The following KCND2 variants were observed in gnomAD, a reference collection of about 807,000 sequenced individuals.
The protein encoded by KCND2 is A-type voltage-gated potassium channel KCND2.
KCND2 carries 16 observed loss-of-function variants against 54.4 expected under a neutral mutation model. The ratio of observed to expected loss-of-function variants is 0.29; its 90% confidence interval spans 0.20 to 0.45. The LOEUF is 0.45. Among genes scored for constraint, KCND2 ranks in the 20% least tolerant of loss-of-function variants. The probability of loss-of-function intolerance (pLI) is 1.00; values close to 1 mark genes in which losing one functional copy is unlikely to be tolerated. For missense variants in KCND2, 486 were observed against 824.2 expected, an observed-to-expected ratio of 0.59 and a Z score of 5.02; for synonymous variants, 317 against 310.7, an observed-to-expected ratio of 1.02 and a Z score of -0.21.
chr7:120,285,756 A>T (rs1168589408), intron 1 of KCND2, among the ~76,000 whole-genome samples: 3 of 151,944 alleles, frequency 2.0e-5, no homozygotes, highest in Admixed American at 2.0e-4. Flanking sequence ...TTTGCATTTA[A>T]AATTGTATTA....
At chr7:120,651,164 C>T (rs903962605) in intron 1 of KCND2, among the ~76,000 whole-genome samples, 1 of 143,376 alleles carries the variant, frequency 7.0e-6, no homozygotes, top group Non-Finnish European at 1.5e-5. Context: ...GACATTTAAG[C>T]CTGCAGAGGT....
intron 1 of KCND2, among the ~76,000 whole-genome samples, chr7:120,383,342 C>A (rs1332466084): frequency 6.6e-6 from 1 of 151,918 alleles, no homozygotes; most frequent in African/African-American, 2.4e-5. Context: ...TCTTATTTTC[C>A]ATTTGGCACC....
intron 1 of KCND2, among the ~76,000 whole-genome samples, chr7:120,461,807 A>T (rs1802288020): frequency 6.6e-6 from 1 of 152,152 alleles, no homozygotes; most frequent in Non-Finnish European, 1.5e-5. Flanking sequence ...TTCTAAAATC[A>T]TAATCTTCCC....
At chr7:120,717,495 A>G (rs764171615) in intron 1 of KCND2, among the ~76,000 whole-genome samples, 1 of 152,140 alleles carries the variant, frequency 6.6e-6, no homozygotes, top group Non-Finnish European at 1.5e-5. Flanking sequence ...GAACTATGGA[A>G]AGCAAAACAG....
chr7:120,313,924 C>T (rs1267622792), intron 1 of KCND2, among the ~76,000 whole-genome samples: 1 of 151,706 alleles, frequency 6.6e-6, no homozygotes, highest in Non-Finnish European at 1.5e-5. Flanking sequence ...TTTGTAAGGA[C>T]ACTTTTATTT....
intron 1 of KCND2, among the ~76,000 whole-genome samples, chr7:120,343,082 A>G (rs1281702502): frequency 6.6e-6 from 1 of 152,188 alleles, no homozygotes; most frequent in Non-Finnish European, 1.5e-5. Flanking sequence ...AGTACAAAGA[A>G]GGAGGATGCA....
chr7:120,351,818 T>C (rs1222507898), intron 1 of KCND2, among the ~76,000 whole-genome samples: 2 of 151,946 alleles, frequency 1.3e-5, no homozygotes, highest in Non-Finnish European at 2.9e-5. Flanking sequence ...TTCTTTCTTT[T>C]TTTTTCTTTT....
intron 1 of KCND2, among the ~76,000 whole-genome samples, chr7:120,507,685 C>G (rs934592636): frequency 1.3e-5 from 2 of 151,804 alleles, no homozygotes; most frequent in Admixed American, 1.3e-4. Flanking sequence ...TCTGGATTTC[C>G]TATACCCTCA....
At chr7:120,437,038 A>G (rs146796760) in intron 1 of KCND2, among the ~76,000 whole-genome samples, 30 of 152,202 alleles carry the variant, frequency 2.0e-4, no homozygotes, top group African/African-American at 5.8e-4. Context: ...TTCTCAGCCT[A>G]TCGAACTTTG....
intron 1 of KCND2, among the ~76,000 whole-genome samples, chr7:120,607,191 G>GT (rs11306891): frequency 4.0e-5 from 6 of 149,186 alleles, no homozygotes; most frequent in Admixed American, 2.0e-4. Context: ...ATTAAGGTTT[G>GT]TTTTTTTTTT....
At chr7:120,456,870 A>T (rs556189448) in intron 1 of KCND2, among the ~76,000 whole-genome samples, 124 of 152,276 alleles carry the variant, frequency 8.1e-4, no homozygotes, top group African/African-American at 2.8e-3. Context: ...GCCTTAGCAG[A>T]GGTTCTACAT....
Position 120,372,773 on chromosome 7 carries a change from A to G in KCND2, c.1115+97026A>G, listed in dbSNP as rs951675722. 2.6e-5 allele frequency among the ~76,000 whole-genome samples: 4 copies of G among 151,908 alleles called. No homozygotes were observed. The East Asian group carries it at 7.8e-4, about 29-fold the overall frequency. ...TAACTATGAACTTCTTTCTTACCTGATAGGTTTCTTTTTCCAAAGAGGAAC... is the reference window on the plus strand; with the variant it reads ...TAACTATGAACTTCTTTCTTACCTGGTAGGTTTCTTTTTCCAAAGAGGAAC... On this transcript the variant is annotated intron_variant, in intron 1 of 5. Coordinates refer to ENST00000331113, the MANE Select transcript of KCND2 (RefSeq NM_012281.3).
chr7:120,381,673 A>ATC (rs1800917873), intron 1 of KCND2, among the ~76,000 whole-genome samples: 1 of 152,104 alleles, frequency 6.6e-6, no homozygotes, highest in Non-Finnish European at 1.5e-5. Flanking sequence ...GAGAGAAGTA[A>ATC]GATCTCCGAA....
chr7:120,728,080 G>T (rs1792757248), intron 1 of KCND2, among the ~76,000 whole-genome samples: 1 of 146,926 alleles, frequency 6.8e-6, no homozygotes, highest in Non-Finnish European at 1.5e-5. Flanking sequence ...GTTGCAGTGA[G>T]CCGAGATGGC....
At chr7:120,319,405 C>G (rs1799860323) in intron 1 of KCND2, among the ~76,000 whole-genome samples, 2 of 152,048 alleles carry the variant, frequency 1.3e-5, no homozygotes, top group Admixed American at 1.3e-4. Context: ...ATCACATATA[C>G]TTTCTATATT....
chr7:120,618,279 TG>T (rs1354562443), intron 1 of KCND2, among the ~76,000 whole-genome samples: 8 of 149,054 alleles, frequency 5.4e-5, no homozygotes, highest in African/African-American at 1.8e-4. Flanking sequence ...ATTACACACC[TG>T]TATACAAAAA....
chr7:120,530,021 C>G (rs970993557), intron 1 of KCND2, among the ~76,000 whole-genome samples: 4 of 151,922 alleles, frequency 2.6e-5, no homozygotes, highest in Non-Finnish European at 4.4e-5. Flanking sequence ...TGCAGTGAGC[C>G]ATGATCATGC....
At chr7:120,349,552 G>A (rs1020288844) in intron 1 of KCND2, among the ~76,000 whole-genome samples, 1 of 151,980 alleles carries the variant, frequency 6.6e-6, no homozygotes, top group Non-Finnish European at 1.5e-5. Context: ...TTTTTTCCTG[G>A]AGTAAATAGC....
At chr7:120,657,329 G>A (rs1457224704) in intron 1 of KCND2, among the ~76,000 whole-genome samples, 2 of 152,034 alleles carry the variant, frequency 1.3e-5, no homozygotes, top group African/African-American at 2.4e-5. Flanking sequence ...CATAACAGAC[G>A]TGAAAACAGG....
Sources: gnomAD v4.1 joint callset for allele counts (sites outside exome capture counted in the v4.1 genomes callset) on GRCh38, gnomAD v4.1.1 for gene constraint, MANE v1.5 for transcripts, NCBI Gene and HGNC (gene_info 2026-07-23, HGNC 2026-07-21) for gene names.